COL16A1: variants seen among roughly 807,000 people sequenced by gnomAD.
COL16A1 encodes collagen type XVI alpha 1 chain, also known as collagen alpha-1(XVI) chain.
COL16A1 carries 189 observed loss-of-function variants against 266.3 expected under a neutral mutation model. That is an observed-to-expected ratio of 0.71 (90% CI 0.63 to 0.80). COL16A1 has a LOEUF of 0.80. Ranked by LOEUF, COL16A1 falls within the 30% of genes least tolerant of loss-of-function variation. The pLI, the probability that COL16A1 is intolerant of heterozygous loss-of-function variation, is 0.00. For missense variants in COL16A1, 1,928 were observed against 2,122.4 expected (o/e 0.91, Z 1.80); for synonymous variants, 740 against 782.3 (o/e 0.95, Z 0.90).
intron 42 of COL16A1, among the ~76,000 whole-genome samples, chr1:31,676,958 C>T (rs1177755594): frequency 1.3e-5 from 2 of 152,376 alleles, no homozygotes; most frequent in East Asian, 1.9e-4. Context: ...CAGGCTCTAC[C>T]AGGCCTGGGT....
intron 2 of COL16A1, chr1:31,701,422 G>T: frequency 1.0e-6 from 1 of 985,378 alleles, no homozygotes; most frequent in Non-Finnish European, 1.2e-6. Flanking sequence ...CAGCTTCTTG[G>T]TTTTTCTGCT....
intron 2 of COL16A1, 118 bp downstream of exon 2, chr1:31,702,003 A>C: frequency 6.6e-7 from 1 of 1,508,460 alleles, no homozygotes; most frequent in Non-Finnish European, 9.1e-7. Flanking sequence ...CAGCCCCTAG[A>C]CTCTGCTATA....
At chr1:31,695,002 A>G (rs2275095) in intron 11 of COL16A1, among the ~76,000 whole-genome samples, 184 bp downstream of exon 11, 2,272 of 152,250 alleles carry the variant, frequency 0.015, 115 homozygotes, top group East Asian at 0.082. Context: ...TTTCTTCCAC[A>G]CAGTCCTGGC....
chr1:31,659,014 C>T (rs915282579), intron 62 of COL16A1, 50 bp from the exon 63 acceptor site: 4 of 1,518,938 alleles, frequency 2.6e-6, no homozygotes, highest in African/African-American at 1.4e-5. Context: ...ATAGTAAGAC[C>T]CCTGGGAGGC....
Position 31,652,674 on chromosome 1 carries a change from T to A in COL16A1, c.4792A>T (p.Thr1598Ser). 1 of 1,590,052 alleles carries A rather than the reference T, an allele frequency of 6.3e-7. No homozygotes were observed. The highest frequency in any genetic ancestry group is 8.5e-7 in the Non-Finnish European group (1 of 1,172,470). ...TTTCAGCCAAAAGGCCCCTTCATGG[T>A]TTTCATGGGTGGGTACTGCTGCTCC... ...PMEQQYPPMK[T>S]MKGPFG The change falls in exon 71 of 71, where the codon ACC becomes TCC. Residue 1598 changes from threonine (T) to serine (S), a missense_variant. Thr to Ser is a moderately conservative substitution (Grantham distance 58). Around this residue, in one of 2 missense-constraint regions of COL16A1, gnomAD observed 376 missense variants for 485.2 expected, o/e 0.77. Transcript: ENST00000373672. The surrounding 1 kb of genome is among the most constrained non-coding windows in gnomAD (Gnocchi z 4.8).
Position 31,692,799 on chromosome 1 carries a change from A to C in COL16A1, c.1081T>G (p.Cys361Gly), listed in dbSNP as rs1644332222. 2.5e-6 allele frequency: 4 copies of C among 1,613,842 alleles called. No individual in the cohort carries two copies. The East Asian group carries it at 8.9e-5, about 36-fold the overall frequency. The stretch of plus-strand genomic sequence containing the variant: ...GGGGCATCCGGGGAGATTCGAACAC[A>C]GTCATTGCCCTGGGAGTAGGGAACA... ...KGEKGARGND[C>G]VRISPDAPLQ... Residue 361 changes from cysteine to glycine, a missense_variant, in exon 14 of 71, where the codon TGT becomes GGT. By Grantham distance (159) the Cys-to-Gly change is radical. Transcript: ENST00000373672.
chr1:31,690,359 G>A lies in COL16A1; in HGVS notation c.1509+8C>T, dbSNP rs1381420968. On this transcript the variant is annotated splice_region_variant and intron_variant, in intron 22 of 70. Transcript: ENST00000373672. Reference sequence around the variant, plus strand: ...ACCCCGATCTGGGCAGCCAGGCCTAGGACTCACCTTCTCTCCCTTCACACC... The same window carrying A: ...ACCCCGATCTGGGCAGCCAGGCCTAAGACTCACCTTCTCTCCCTTCACACC... 1 of 1,613,800 alleles carries A rather than the reference G, an allele frequency of 6.2e-7. No homozygotes were observed. The highest frequency in any genetic ancestry group is 1.7e-5 in the Admixed American group (1 of 60,022).
Position 31,684,145 on chromosome 1 carries a change from C to T in COL16A1, c.2247G>A (p.Glu749=). 1 of 1,555,336 alleles carries T rather than the reference C, an allele frequency of 6.4e-7. No homozygotes were observed. Among genetic ancestry groups the T allele is most frequent in the Non-Finnish European group, 8.7e-7 (1 of 1,149,052 alleles). ...GTCGGCCCACGCCTTCGGGGCCCTG[C>T]TCTCCTTTGGGGCCGGGCTGCCCAG... ...GRPGQPGPKG[E]QGPEGVGRPG... is the part of the protein sequence containing the mutation. The change falls in exon 32 of 71, where the codon GAG becomes GAA. Residue 749 remains glutamate, a synonymous_variant. Transcript: ENST00000373672.
At chr1:31,658,707 CA>C in intron 63 of COL16A1, 130 bp from the exon 64 acceptor site, 2 of 1,054,154 alleles carry the variant, frequency 1.9e-6, no homozygotes, top group Non-Finnish European at 2.8e-6. Context: ...GAACTTGCAG[CA>C]GGACTCTGAG....
chr1:31,671,775 G>T, intron 47 of COL16A1, 116 bp from the exon 48 acceptor site: 1 of 1,250,530 alleles, frequency 8.0e-7, no homozygotes, highest in Non-Finnish European at 1.1e-6. Flanking sequence ...GGTGGCTGCT[G>T]TCCAAGCAGG....
intron 66 of COL16A1, 135 bp from the exon 67 acceptor site, chr1:31,655,637 C>T: frequency 6.9e-7 from 1 of 1,445,886 alleles, no homozygotes; most frequent in Non-Finnish European, 9.3e-7. Context: ...ACAGGTCACT[C>T]CACCTCACTG....
In COL16A1 at chr1:31,692,007, C is replaced by T. The variant is rs1280967712; in HGVS notation, c.1255G>A (p.Asp419Asn). ...IKGVPGKPGRDGRPGEICVIG... is the reference protein window; with the variant it reads ...IKGVPGKPGRNGRPGEICVIG... ...GGGGAAGGGTCCCAGGCACCTACGT[C>T]CCGGCCTGGCTTTCCCGGCACGCCC... Residue 419 changes from aspartate to asparagine, a missense_variant and splice_region_variant, in exon 17 of 71, where the codon GAC becomes AAC. By Grantham distance (23) the Asp-to-Asn change is conservative (BLOSUM62 1). Around this residue, in one of 2 missense-constraint regions of COL16A1, gnomAD observed 1,552 missense variants for 1,637.2 expected, o/e 0.95. Transcript: ENST00000373672. The T allele has an allele frequency of 6.2e-7, 1 of 1,613,770 alleles. No homozygotes were observed. The highest frequency in any genetic ancestry group is 1.1e-5 in the South Asian group (1 of 91,096).
rs750804861 is a variant in COL16A1, at chr1:31,681,049, C to T, written c.2557G>A (p.Gly853Arg). The part of the protein sequence containing the change: ...SGPPGRDGQQ[G>R]QTGLRGTPGE... ...GGTGTTCCTCTGAGTCCCGTCTGTC[C>T]TTGCTGCCCATCACGGCCCTGAAGA... Residue 853 changes from glycine (G) to arginine (R), a missense_variant, in exon 38 of 71, where the codon GGA becomes AGA. Physicochemically the swap from Gly to Arg is moderately radical, Grantham distance 125. This residue lies in a region of COL16A1 where 1,552 missense variants were observed against 1,637.2 expected (regional missense o/e 0.95). Transcript: ENST00000373672. 1 of 1,613,382 alleles carries T rather than the reference C, an allele frequency of 6.2e-7. No homozygotes were observed. The highest frequency in any genetic ancestry group is 1.7e-5 in the Admixed American group (1 of 59,980).
chr1:31,665,496 C>G, intron 55 of COL16A1, 87 bp downstream of exon 55: 4 of 1,610,364 alleles, frequency 2.5e-6, no homozygotes, highest in Non-Finnish European at 2.5e-6. Flanking sequence ...TCCCCAGGAC[C>G]ATCCTACCCC....
At chr1:31,674,952 T>TC in intron 44 of COL16A1, 55 bp downstream of exon 44, 1 of 1,598,446 alleles carries the variant, frequency 6.3e-7, no homozygotes, top group Non-Finnish European at 8.5e-7. Context: ...ACTAAGAGAA[T>TC]CCCCTTAGGA....
At chr1:31,689,696 TTG>T (rs1467620935) in intron 23 of COL16A1, 43 bp downstream of exon 23, 4 of 1,484,166 alleles carry the variant, frequency 2.7e-6, no homozygotes, top group Non-Finnish European at 3.8e-6. Context: ...CCAGGTTTCT[TTG>T]TGTGTTGGGG....
In COL16A1 at chr1:31,689,039, G is replaced by C. The variant is rs369175842; in HGVS notation, c.1656+11C>G. On this transcript the variant is annotated intron_variant, in intron 24 of 70. Transcript: ENST00000373672. ...CAGAGGAGGGCAGCCAGGAGAGCAG[G>C]GTTCCCTCACCTTCTCTCCTTTGAT... The C allele has an allele frequency of 1.9e-6, 3 of 1,613,896 alleles. No homozygotes were observed. Among genetic ancestry groups the C allele is most frequent in the Non-Finnish European group, 2.5e-6 (3 of 1,179,988 alleles).
At chr1:31,666,144 G>A (rs1570398089) in intron 52 of COL16A1, 63 bp from the exon 53 acceptor site, 1 of 1,527,166 alleles carries the variant, frequency 6.5e-7, no homozygotes. Context: ...GAGGTAGGGG[G>A]ATGTGACAGG....
At chr1:31,691,880 C>T (rs1644286384) in intron 17 of COL16A1, 125 bp downstream of exon 17, 1 of 1,473,162 alleles carries the variant, frequency 6.8e-7, no homozygotes, top group Non-Finnish European at 9.4e-7. Flanking sequence ...GCTGTGCCTC[C>T]TGTGGCACAG....
Sources: allele counts gnomAD v4.1 joint callset (sites outside exome capture counted in the v4.1 genomes callset), GRCh38; gene constraint gnomAD v4.1.1; regional missense constraint gnomAD v4.1.1; non-coding constraint Gnocchi (gnomAD v3.1); transcripts MANE v1.5; gene names NCBI Gene and HGNC (gene_info 2026-07-23, HGNC 2026-07-21).